Variants in HMBOX1 observed in about 807,000 individuals in gnomAD.
The protein encoded by HMBOX1 is homeobox containing 1, also known as homeobox-containing protein 1.
Under a neutral mutation model 54.5 loss-of-function variants are expected in HMBOX1, and 14 were observed. The ratio of observed to expected loss-of-function variants is 0.26; its 90% CI spans 0.17 to 0.40. The LOEUF (loss-of-function observed/expected upper bound fraction) is 0.40, where lower values mean the gene tolerates loss of function less well. Among genes scored for constraint, HMBOX1 ranks in the 10% least tolerant of loss-of-function variants. The pLI is 1.00. For synonymous variants in HMBOX1, 160 were observed against 181.0 expected, an observed-to-expected ratio of 0.88 and a Z score of 0.93; for missense variants, 332 against 514.4, an observed-to-expected ratio of 0.65 and a Z score of 3.43.
intron 1 of HMBOX1, among the ~76,000 whole-genome samples, chr8:28,927,829 C>T (rs1818800989): frequency 1.5e-5 from 1 of 66,402 alleles, no homozygotes; most frequent in Non-Finnish European, 2.9e-5. Context: ...GAAACTCAGT[C>T]TCAAAAAAAA....
At chr8:29,019,273 A>T (rs1285521820) in intron 6 of HMBOX1, among the ~76,000 whole-genome samples, 2 of 152,182 alleles carry the variant, frequency 1.3e-5, no homozygotes, top group African/African-American at 4.8e-5. Context: ...GACTACTGAG[A>T]TTTAACTTTC....
intron 3 of HMBOX1, among the ~76,000 whole-genome samples, chr8:28,974,564 T>A (rs1032376515): frequency 6.6e-6 from 1 of 152,192 alleles, no homozygotes; most frequent in Non-Finnish European, 1.5e-5. Context: ...GAGGCTTTAT[T>A]CTAAGTTGAT....
intron 1 of HMBOX1, among the ~76,000 whole-genome samples, chr8:28,899,486 A>G (rs1056450247): frequency 1.4e-4 from 21 of 152,212 alleles, no homozygotes; most frequent in African/African-American, 4.8e-4. Flanking sequence ...CATCCCTGAC[A>G]AGAAAATTTG....
At chr8:28,937,259 C>G (rs943338198) in intron 1 of HMBOX1, among the ~76,000 whole-genome samples, 2 of 152,162 alleles carry the variant, frequency 1.3e-5, no homozygotes, top group African/African-American at 4.8e-5. Context: ...CATTGAAATT[C>G]TGTTTTTCTC....
intron 1 of HMBOX1, among the ~76,000 whole-genome samples, chr8:28,959,462 T>A (rs1487393465): frequency 6.6e-6 from 1 of 152,204 alleles, no homozygotes; most frequent in Non-Finnish European, 1.5e-5. Context: ...ATTTTCCACG[T>A]AATATTCTCG....
chr8:29,051,705 G>A lies in HMBOX1; in HGVS notation c.*550G>A. ...AGCCGTGCCTCATTATAGCCACACT[G>A]TGGCTAGATTATACTTCTTTGGGTG... On this transcript the variant is annotated 3_prime_UTR_variant, in exon 10 of 10. Transcript: ENST00000287701. The A allele has an allele frequency of 1.5e-6, 1 of 686,918 alleles. No individual in the cohort carries two copies. The highest frequency in any genetic ancestry group is 1.5e-5 in the South Asian group (1 of 66,520). 42.6% of individuals were successfully genotyped at this position (686,918 alleles called of 1,614,324 possible).
chr8:28,953,627 T>C (rs543010082), intron 1 of HMBOX1, among the ~76,000 whole-genome samples: 17 of 152,152 alleles, frequency 1.1e-4, no homozygotes, highest in Non-Finnish European at 2.1e-4. Context: ...TAAGTTTCTA[T>C]GTCTAGTCTG....
chr8:29,006,790 G>T (rs1833516037), intron 4 of HMBOX1, among the ~76,000 whole-genome samples: 1 of 152,084 alleles, frequency 6.6e-6, no homozygotes, highest in Admixed American at 6.5e-5. Flanking sequence ...TCTGAGGCTT[G>T]TTCTATGTAT....
At chr8:28,973,802 A>ATTTTTTTTTTTT in intron 3 of HMBOX1, among the ~76,000 whole-genome samples, 1 of 76,530 alleles carries the variant, frequency 1.3e-5, no homozygotes, top group South Asian at 6.0e-4. Context: ...TACATAATGG[A>ATTTTTTTTTTTT]GTTTTTTTTT....
chr8:28,998,927 A>G (rs1340314923), intron 4 of HMBOX1, among the ~76,000 whole-genome samples: 1 of 152,158 alleles, frequency 6.6e-6, no homozygotes, highest in Non-Finnish European at 1.5e-5. Flanking sequence ...TTTTTGTCTT[A>G]TAAATTACAT....
chr8:29,009,748 G>A (rs1563574776), intron 5 of HMBOX1: 1 of 1,283,986 alleles, frequency 7.8e-7, no homozygotes, highest in Non-Finnish European at 1.0e-6. Flanking sequence ...GAAATCTTAA[G>A]AAAACTAAGA....
At chr8:28,954,302 T>C (rs1047942477) in intron 1 of HMBOX1, among the ~76,000 whole-genome samples, 6 of 152,150 alleles carry the variant, frequency 3.9e-5, no homozygotes, top group African/African-American at 1.4e-4. Flanking sequence ...GAAGGGGCTC[T>C]GTAATGGTGT....
chr8:28,932,819 C>T (rs950620106), intron 1 of HMBOX1, among the ~76,000 whole-genome samples: 31 of 152,138 alleles, frequency 2.0e-4, no homozygotes, highest in Non-Finnish European at 4.3e-4. Flanking sequence ...GCAAAATGGC[C>T]TTAACTACAT....
intron 1 of HMBOX1, among the ~76,000 whole-genome samples, chr8:28,941,977 CTT>C (rs1821510005): frequency 6.6e-6 from 1 of 152,200 alleles, no homozygotes; most frequent in South Asian, 2.1e-4. Flanking sequence ...AACGAATACT[CTT>C]TCCTTACAGC....
chr8:28,937,008 G>A (rs1314438087), intron 1 of HMBOX1, among the ~76,000 whole-genome samples: 1 of 152,058 alleles, frequency 6.6e-6, no homozygotes, highest in Non-Finnish European at 1.5e-5. Flanking sequence ...TGAAAAGAGT[G>A]AAAGAAAAAA....
intron 1 of HMBOX1, among the ~76,000 whole-genome samples, chr8:28,900,278 ATATATATATATAT>A (rs1813003075): frequency 7.1e-6 from 1 of 141,748 alleles, no homozygotes; most frequent in Admixed American, 7.2e-5. Flanking sequence ...AAAAATATAT[ATATATATATATAT>A]TTTGTTTCCT....
intron 7 of HMBOX1, among the ~76,000 whole-genome samples, chr8:29,046,807 C>A (rs1014508944): frequency 6.6e-5 from 10 of 152,122 alleles, no homozygotes; most frequent in Non-Finnish European, 7.4e-5. Flanking sequence ...AATGGCGAGA[C>A]CCCATCTCTA....
chr8:28,925,738 A>G (rs2131840923), intron 1 of HMBOX1, among the ~76,000 whole-genome samples: 1 of 152,094 alleles, frequency 6.6e-6, no homozygotes, highest in Admixed American at 6.5e-5. Flanking sequence ...AGAGACTTTT[A>G]TTTCAAGAAA....
chr8:28,939,955 C>T (rs1563429734), intron 1 of HMBOX1, among the ~76,000 whole-genome samples: 1 of 152,082 alleles, frequency 6.6e-6, no homozygotes, highest in Admixed American at 6.5e-5. Flanking sequence ...ATGATGTTCC[C>T]TTTGCTTCTT....
Sources: gnomAD v4.1 joint callset for allele counts (sites outside exome capture counted in the v4.1 genomes callset) on GRCh38, gnomAD v4.1.1 for gene constraint, MANE v1.5 for transcripts, NCBI Gene and HGNC (gene_info 2026-07-23, HGNC 2026-07-21) for gene names.